Variants in SNX8 observed in about 807,000 individuals in gnomAD.
The protein encoded by SNX8 is sorting nexin 8.
Under a neutral mutation model 51.6 loss-of-function variants are expected in SNX8, and 25 were observed. The observed-to-expected ratio is 0.48, with a 90% CI of 0.35 to 0.68. SNX8 has a LOEUF of 0.68. Among genes scored for constraint, SNX8 ranks in the 30% least tolerant of loss-of-function variants. The pLI is 0.00. For missense variants in SNX8, 695 were observed against 624.0 expected (o/e 1.11, Z -1.21); for synonymous variants, 324 against 277.0 (o/e 1.17, Z -1.68).
chr7:2,353,820 G>A (rs1039193688), intron 1 of SNX8, among the ~76,000 whole-genome samples: 1 of 152,072 alleles, frequency 6.6e-6, no homozygotes, highest in Non-Finnish European at 1.5e-5. Context: ...ATGTTGGCAA[G>A]GCTGGTCTCC....
At chr7:2,288,347 T>TA (rs538014195) in intron 1 of SNX8, 6,891 of 120,482 alleles carry the variant, frequency 0.057, 498 homozygotes, top group African/African-American at 0.17. Context: ...AAGACTGTCT[T>TA]AAAAAAAAAA....
chr7:2,268,489 G>A (rs1319655532), intron 5 of SNX8, among the ~76,000 whole-genome samples: 17 of 145,640 alleles, frequency 1.2e-4, no homozygotes, highest in African/African-American at 4.1e-4. Flanking sequence ...CGCCCCATCC[G>A]GGAGGGAGGT....
At chr7:2,327,315 C>T (rs1172579599) in intron 1 of SNX8, among the ~76,000 whole-genome samples, 1 of 152,096 alleles carries the variant, frequency 6.6e-6, no homozygotes, top group Non-Finnish European at 1.5e-5. Context: ...TCTCGGCTCA[C>T]TGCAAGCTCC....
intron 1 of SNX8, among the ~76,000 whole-genome samples, chr7:2,307,457 C>T (rs1029690950): frequency 6.6e-6 from 1 of 151,966 alleles, no homozygotes. Context: ...CATGGTGAAA[C>T]CCCATCTCTA....
chr7:2,306,530 G>A (rs929965065), intron 1 of SNX8, among the ~76,000 whole-genome samples: 1 of 152,114 alleles, frequency 6.6e-6, no homozygotes, highest in Non-Finnish European at 1.5e-5. Flanking sequence ...CACTTTCGAA[G>A]CACAACTTTA....
upstream of SNX8, among the ~76,000 whole-genome samples, chr7:2,317,850 G>A (rs570190306): frequency 7.9e-5 from 12 of 152,070 alleles, no homozygotes; most frequent in African/African-American, 2.9e-4. Flanking sequence ...AGCCGAGATC[G>A]AGATGTCCTT....
rs573368216 is a variant in SNX8, at chr7:2,333,455, G to A, written c.-66+20767C>T. Among the ~76,000 whole-genome samples, 6 of 152,098 alleles carry A rather than the reference G, an allele frequency of 3.9e-5. No homozygotes were observed. The East Asian group carries it at 9.7e-4, about 25-fold the overall frequency. Reference sequence around the variant, plus strand: ...TGCGCGCCTGTAGTCCCAGCTACTCGGGAGGCTGAGGCAGGAGGATTGCTT... The same window carrying A: ...TGCGCGCCTGTAGTCCCAGCTACTCAGGAGGCTGAGGCAGGAGGATTGCTT... On this transcript the variant is annotated intron_variant, in intron 1 of 5. Coordinates refer to the SNX8 transcript ENST00000435336.
At chr7:2,302,210 C>T (rs1049613866) in intron 1 of SNX8, among the ~76,000 whole-genome samples, 1 of 152,256 alleles carries the variant, frequency 6.6e-6, no homozygotes, top group Non-Finnish European at 1.5e-5. Context: ...CTGCCTGATT[C>T]TCCTGCCTCA....
At chr7:2,286,610 C>T (rs896711875) in intron 1 of SNX8, among the ~76,000 whole-genome samples, 1 of 151,398 alleles carries the variant, frequency 6.6e-6, no homozygotes, top group African/African-American at 2.4e-5. Flanking sequence ...CTCCACCTCC[C>T]GGGGTTCACG....
In SNX8 at chr7:2,254,688, G is replaced by A. The variant is rs1795131069; in HGVS notation, c.*368C>T. 6.8e-6 allele frequency: 2 copies of A among 296,190 alleles called. No individual in the cohort carries two copies. The highest frequency in any genetic ancestry group is 2.2e-5 in the African/African-American group (1 of 45,028). 18.3% of individuals were successfully genotyped at this position (296,190 alleles called of 1,614,324 possible). A position where few individuals can be genotyped will look rare whatever the true frequency, so the allele number is the denominator to read the frequency against. ...TCCTCGGCTGACCGAGCACCATGAT[G>A]CTGCCCCTCCCGACTGTTCCAGCAC... On this transcript the variant is annotated 3_prime_UTR_variant, in exon 11 of 11. Coordinates refer to ENST00000222990, the MANE Select transcript of SNX8 (RefSeq NM_013321.4).
intron 3 of SNX8, among the ~76,000 whole-genome samples, chr7:2,272,699 A>C (rs548821522): frequency 1.3e-5 from 2 of 152,018 alleles, no homozygotes; most frequent in South Asian, 4.2e-4. Flanking sequence ...CACTGTGCTT[A>C]TAACTTACTC....
intron 1 of SNX8, among the ~76,000 whole-genome samples, chr7:2,347,533 G>A (rs998718359): frequency 6.7e-6 from 1 of 148,384 alleles, no homozygotes; most frequent in Non-Finnish European, 1.5e-5. Flanking sequence ...GAAGGCAGTA[G>A]GCGGCAGGGA....
At chr7:2,320,504 T>A (rs1481738331) in intron 1 of SNX8, among the ~76,000 whole-genome samples, 1 of 152,152 alleles carries the variant, frequency 6.6e-6, no homozygotes, top group Non-Finnish European at 1.5e-5. Context: ...GAGGATGACT[T>A]GAGCCCAGGA....
Position 2,350,391 on chromosome 7 carries a change from C to A in SNX8, c.-66+3831G>T, listed in dbSNP as rs567886593. ...CATTTTTCATTTTCATAGTTATGAA[C>A]CAATGTTAATATCAATAGAAATGCA... On this transcript the variant is annotated intron_variant, in intron 1 of 5. Transcript: ENST00000435336. Among the ~76,000 whole-genome samples the A allele has an allele frequency of 3.9e-5, 6 of 152,308 alleles. No individual in the cohort carries two copies. In the South Asian group the frequency reaches 1.2e-3, roughly 32 times the overall value.
At chr7:2,326,127 T>A (rs958755323) in intron 1 of SNX8, among the ~76,000 whole-genome samples, 4 of 151,846 alleles carry the variant, frequency 2.6e-5, no homozygotes, top group Admixed American at 2.6e-4. Flanking sequence ...ATCCCAGCAC[T>A]GTGGGAGGCT....
In SNX8 at chr7:2,278,306, C is replaced by G. The variant is rs1410611835; in HGVS notation, c.95-1G>C. On this transcript the variant is annotated splice_acceptor_variant, in intron 1 of 10. Transcript: ENST00000222990. LOFTEE classifies it high-confidence loss of function. The stretch of plus-strand genomic sequence containing the variant: ...TCGATGGCCTGGGGTGTCGGCAGAT[C>G]TGCAGGGGAGATGGTGAATGACCAG... 3 of 1,534,078 alleles carry G rather than the reference C, an allele frequency of 2.0e-6. No individual in the cohort carries two copies. Among genetic ancestry groups the G allele is most frequent in the Non-Finnish European group, 2.7e-6 (3 of 1,120,856 alleles).
At chr7:2,319,542 G>A (rs1431534815) in intron 1 of SNX8, among the ~76,000 whole-genome samples, 7 of 145,400 alleles carry the variant, frequency 4.8e-5, no homozygotes, top group Non-Finnish European at 7.6e-5. Flanking sequence ...TGGGCCAGGC[G>A]CGGTGGCTCA....
chr7:2,272,063 GGCAGAGGGCCCAGCGGCTA>G (rs768932324), intron 3 of SNX8, 92 bp from the exon 4 acceptor site: 53 of 1,550,814 alleles, frequency 3.4e-5, no homozygotes, highest in Non-Finnish European at 4.5e-5. Flanking sequence ...CCCTAGAGGT[GGCAGAGGGCCCAGCGGCTA>G]GCAGAGGGCA....
At chr7:2,276,058 G>A (rs564836811) in intron 2 of SNX8, among the ~76,000 whole-genome samples, 1 of 151,832 alleles carries the variant, frequency 6.6e-6, no homozygotes, top group South Asian at 2.1e-4. Flanking sequence ...CCTGGTCAGT[G>A]ACTGGCCCGT....
Sources: gnomAD v4.1 joint callset for allele counts (sites outside exome capture counted in the v4.1 genomes callset) on GRCh38, gnomAD v4.1.1 for gene constraint, MANE v1.5 for transcripts, NCBI Gene and HGNC (gene_info 2026-07-23, HGNC 2026-07-21) for gene names.